Variants in HOMER1 observed in about 807,000 individuals in gnomAD.
The protein encoded by HOMER1 is homer scaffold protein 1.
A neutral mutation model predicts 48.9 loss-of-function variants in HOMER1; 3 were observed. The observed-to-expected ratio is 0.06, with a 90% CI of 0.03 to 0.16. The LOEUF (loss-of-function observed/expected upper bound fraction) is 0.16, where lower values mean the gene tolerates loss of function less well. Among genes scored for constraint, HOMER1 ranks in the 10% least tolerant of loss-of-function variants. The probability of loss-of-function intolerance (pLI) is 1.00; values close to 1 mark genes in which losing one functional copy is unlikely to be tolerated. For missense variants in HOMER1, 247 were observed against 411.4 expected (o/e 0.60, Z 3.46); for synonymous variants, 134 against 146.4 (o/e 0.92, Z 0.61).
At chr5:79,445,875 C>T (rs1750861198) in intron 4 of HOMER1, among the ~76,000 whole-genome samples, 1 of 152,218 alleles carries the variant, frequency 6.6e-6, no homozygotes, top group African/African-American at 2.4e-5. Flanking sequence ...GATTGTGCCA[C>T]TGCACTCCGG....
intron 1 of HOMER1, among the ~76,000 whole-genome samples, chr5:79,473,441 T>C (rs1751676182): frequency 6.6e-6 from 1 of 152,234 alleles, no homozygotes; most frequent in Non-Finnish European, 1.5e-5. Context: ...ACCCTTGTAC[T>C]AAAGACTTTG....
intron 8 of HOMER1, among the ~76,000 whole-genome samples, chr5:79,381,052 T>C (rs1471628745): frequency 4.6e-5 from 7 of 151,938 alleles, no homozygotes; most frequent in African/African-American, 1.7e-4. Context: ...AAAATCAGCT[T>C]GCCTGGAACT....
intron 1 of HOMER1, among the ~76,000 whole-genome samples, chr5:79,498,425 T>A (rs75184890): frequency 1.3e-5 from 2 of 152,310 alleles, no homozygotes; most frequent in East Asian, 3.9e-4. Context: ...ATTTCCAAAC[T>A]GACTGTATCT....
intron 1 of HOMER1, among the ~76,000 whole-genome samples, chr5:79,494,548 C>T (rs1381958353): frequency 6.6e-6 from 1 of 152,226 alleles, no homozygotes; most frequent in Non-Finnish European, 1.5e-5. Flanking sequence ...GACTAAATTG[C>T]TGCCATTAAC....
intron 6 of HOMER1, among the ~76,000 whole-genome samples, chr5:79,398,478 C>T (rs1749451300): frequency 6.6e-6 from 1 of 152,132 alleles, no homozygotes; most frequent in Non-Finnish European, 1.5e-5. Flanking sequence ...TTACCCTCTA[C>T]ATTCTGTGAT....
At chr5:79,432,455 G>T (rs918866567) in intron 5 of HOMER1, among the ~76,000 whole-genome samples, 2 of 152,270 alleles carry the variant, frequency 1.3e-5, no homozygotes, top group African/African-American at 4.8e-5. Context: ...CCCATTAATT[G>T]TAACAGTAAG....
At chr5:79,411,745 C>T (rs181103023) in intron 5 of HOMER1, among the ~76,000 whole-genome samples, 128 of 152,240 alleles carry the variant, frequency 8.4e-4, no homozygotes, top group Non-Finnish European at 1.3e-3. Context: ...ATAATGGTAA[C>T]GCCTTGCATG....
intron 5 of HOMER1, among the ~76,000 whole-genome samples, chr5:79,422,699 C>T (rs1379454220): frequency 6.6e-6 from 1 of 151,916 alleles, no homozygotes; most frequent in Non-Finnish European, 1.5e-5. Flanking sequence ...CAAGTAGGCC[C>T]TTTAATGAAT....
At chr5:79,395,477 G>A (rs149586341) in intron 8 of HOMER1, among the ~76,000 whole-genome samples, 13 of 152,226 alleles carry the variant, frequency 8.5e-5, no homozygotes, top group African/African-American at 3.1e-4. Flanking sequence ...GGCTTCAAAA[G>A]TGCCCCAAGT....
In HOMER1 at chr5:79,399,200, T is replaced by C. The variant is rs745702910; in HGVS notation, c.685-1563A>G. Among the ~76,000 whole-genome samples, 12 of 152,276 alleles carry C rather than the reference T, an allele frequency of 7.9e-5. 1 individual carries two copies. In the East Asian group the frequency reaches 1.4e-3, roughly 17 times the overall value. ...TTGAAGGACCTGGTGAGTAACCAAA[T>C]TGGGCAAAAGACTGCAAGAAAGCAG... On this transcript the variant is annotated intron_variant, in intron 6 of 8. Coordinates refer to ENST00000334082, the MANE Select transcript of HOMER1 (RefSeq NM_004272.5).
intron 6 of HOMER1, 131 bp downstream of exon 6, chr5:79,401,768 A>G: frequency 1.2e-6 from 1 of 843,146 alleles, no homozygotes; most frequent in South Asian, 1.8e-5. Context: ...AATGCATATC[A>G]TACAACCCAT....
At chr5:79,390,088 C>T (rs1487059039) in intron 8 of HOMER1, among the ~76,000 whole-genome samples, 1 of 152,044 alleles carries the variant, frequency 6.6e-6, no homozygotes, top group African/African-American at 2.4e-5. Context: ...GAGTTCAAGA[C>T]CAGCCTAGGC....
At chr5:79,441,985 G>GTA (rs1554059883) in intron 4 of HOMER1, among the ~76,000 whole-genome samples, 1 of 148,296 alleles carries the variant, frequency 6.7e-6, no homozygotes, top group Non-Finnish European at 1.5e-5. Context: ...GTGTGTGTGT[G>GTA]TATACCCAAA....
At chr5:79,428,212 A>G (rs951039270) in intron 5 of HOMER1, among the ~76,000 whole-genome samples, 9 of 152,228 alleles carry the variant, frequency 5.9e-5, no homozygotes, top group African/African-American at 2.2e-4. Context: ...TGAGGGTATA[A>G]GAGGAAATCA....
chr5:79,503,534 GAAAAAAAA>G (rs751672080), intron 1 of HOMER1, among the ~76,000 whole-genome samples: 1 of 17,330 alleles, frequency 5.8e-5, no homozygotes, highest in Non-Finnish European at 9.4e-5. Context: ...GTCACAAAGA[GAAAAAAAA>G]AAAAAAAAAA....
intron 2 of HOMER1, among the ~76,000 whole-genome samples, chr5:79,451,440 A>G (rs1751025033): frequency 6.6e-6 from 1 of 151,872 alleles, no homozygotes; most frequent in Non-Finnish European, 1.5e-5. Flanking sequence ...AATATTTATT[A>G]ATTTTGGATG....
At chr5:79,485,801 A>G (rs1459312396) in intron 1 of HOMER1, among the ~76,000 whole-genome samples, 1 of 152,218 alleles carries the variant, frequency 6.6e-6, no homozygotes, top group African/African-American at 2.4e-5. Flanking sequence ...CAGCATGTGT[A>G]TGGCAAAGTA....
chr5:79,387,404 C>T (rs1404783290), intron 8 of HOMER1, among the ~76,000 whole-genome samples: 3 of 152,084 alleles, frequency 2.0e-5, no homozygotes, highest in Non-Finnish European at 4.4e-5. Flanking sequence ...ACTGGGATTA[C>T]AGTACTAAAC....
At chr5:79,398,661 CCATT>C (rs774276874) in intron 6 of HOMER1, among the ~76,000 whole-genome samples, 31 of 152,102 alleles carry the variant, frequency 2.0e-4, no homozygotes, top group Non-Finnish European at 3.2e-4. Context: ...TGTGATTCCA[CCATT>C]CAAAGACTTT....
Sources: allele counts gnomAD v4.1 joint callset (sites outside exome capture counted in the v4.1 genomes callset), GRCh38; gene constraint gnomAD v4.1.1; transcripts MANE v1.5; gene names NCBI Gene and HGNC (gene_info 2026-07-23, HGNC 2026-07-21).